Variants in TFAP2B observed in about 807,000 individuals in gnomAD.
TFAP2B encodes the protein transcription factor AP-2 beta.
Under a neutral mutation model 44.3 loss-of-function variants are expected in TFAP2B, and 9 were observed. The observed-to-expected ratio is 0.20, with a 90% CI of 0.12 to 0.35. The LOEUF (loss-of-function observed/expected upper bound fraction) is 0.35, where lower values mean the gene tolerates loss of function less well. Among genes scored for constraint, TFAP2B ranks in the 10% least tolerant of loss-of-function variants. TFAP2B has a pLI of 1.00. For missense variants in TFAP2B, 509 were observed against 600.0 expected, an observed-to-expected ratio of 0.85 and a Z score of 1.59; for synonymous variants, 270 against 263.8, an observed-to-expected ratio of 1.02 and a Z score of -0.23.
intron 1 of TFAP2B, among the ~76,000 whole-genome samples, chr6:50,820,889 G>A (rs1202212372): frequency 6.6e-6 from 1 of 152,020 alleles, no homozygotes; most frequent in African/African-American, 2.4e-5. Context: ...GAGAGGAAGA[G>A]GGAGGGGTGG....
intron 1 of TFAP2B, 83 bp downstream of exon 1, chr6:50,819,055 T>C: frequency 7.5e-7 from 1 of 1,328,466 alleles, no homozygotes; most frequent in Non-Finnish European, 1.1e-6. Flanking sequence ...ATATATATTT[T>C]TAAGCTATTT....
chr6:50,842,253 A>G (rs886366984), intron 6 of TFAP2B, among the ~76,000 whole-genome samples: 5 of 152,188 alleles, frequency 3.3e-5, no homozygotes, highest in African/African-American at 1.2e-4. Context: ...CAGCTCCTAT[A>G]TTAAAATTTC....
chr6:50,831,865 A>G (rs1762503288), intron 3 of TFAP2B, among the ~76,000 whole-genome samples: 1 of 152,182 alleles, frequency 6.6e-6, no homozygotes, highest in South Asian at 2.1e-4. Flanking sequence ...TCCAAGGTTC[A>G]AATGTTGTGA....
At position 50,843,646 on chromosome 6, in the gene TFAP2B, G is replaced by C; in HGVS notation, c.*254G>C. 2.2e-6 allele frequency: 1 copy of C among 463,762 alleles called. No individual in the cohort carries two copies. Among genetic ancestry groups the C allele is most frequent in the South Asian group, 2.9e-5 (1 of 33,910 alleles). The allele number at this position is 463,762 out of a possible 1,614,324, so 28.7% of individuals were successfully genotyped here. On this transcript the variant is annotated 3_prime_UTR_variant, in exon 7 of 7. Coordinates refer to ENST00000393655, the MANE Select transcript of TFAP2B (RefSeq NM_003221.4). ...GACAACCGTCCGGATTTTCCACTTC[G>C]GTTCTTTCGAGTTTAGTAATACTGA...
rs572767732 is a variant in TFAP2B at position 50,845,598 on chromosome 6, C to A, written c.*2206C>A. 5 of 152,908 alleles carry A rather than the reference C, an allele frequency of 3.3e-5. No individual in the cohort carries two copies. The highest frequency in any genetic ancestry group is 3.9e-4 in the East Asian group (2 of 5,174). The allele number at this position is 152,908 out of a possible 1,614,324, so 9.5% of individuals were successfully genotyped here. On this transcript the variant is annotated 3_prime_UTR_variant, in exon 7 of 7. Transcript: ENST00000393655. The stretch of plus-strand genomic sequence containing the variant: ...TCACTCTCTTTTCCCAGCTCAGAGG[C>A]CTGCGCCTTCGTCCGAGAGCTCGGC...
chr6:50,837,284 C>T (rs542196207), intron 4 of TFAP2B, among the ~76,000 whole-genome samples: 55 of 152,262 alleles, frequency 3.6e-4, no homozygotes, highest in Non-Finnish European at 6.0e-4. Context: ...CTTCCTCTGC[C>T]CTCCTTTGAT....
intron 2 of TFAP2B, among the ~76,000 whole-genome samples, chr6:50,824,304 G>A (rs1770443856): frequency 1.3e-5 from 2 of 152,176 alleles, no homozygotes; most frequent in Admixed American, 1.3e-4. Flanking sequence ...CTGCCTAGAG[G>A]CTAGAGCTTC....
chr6:50,843,572 A>G lies in TFAP2B; in HGVS notation c.*180A>G, dbSNP rs1429923782. 5 of 672,410 alleles carry G rather than the reference A, an allele frequency of 7.4e-6. No individual in the cohort carries two copies. In the East Asian group the frequency reaches 1.4e-4, roughly 19 times the overall value. 41.7% of individuals were successfully genotyped at this position (672,410 alleles called of 1,614,324 possible). ...ACTTAAAAAAAAACTGAGGCGTACA[A>G]CGGAGCAACAATATCGGTTCTCAGT... On this transcript the variant is annotated 3_prime_UTR_variant, in exon 7 of 7. Transcript: ENST00000393655.
intron 2 of TFAP2B, 54 bp from the exon 3 acceptor site, chr6:50,828,565 G>A: frequency 1.3e-6 from 2 of 1,495,386 alleles, no homozygotes. Flanking sequence ...TGATTTATGT[G>A]TGCAATTCTT....
chr6:50,821,639 C>G (rs1364630650), intron 1 of TFAP2B: 1 of 155,760 alleles, frequency 6.4e-6, no homozygotes, highest in Non-Finnish European at 1.4e-5. Flanking sequence ...TGCCAGCCCC[C>G]TCGTCTGATT....
In TFAP2B at chr6:50,840,253, C is replaced by A. The variant is rs372070042; in HGVS notation, c.1038C>A (p.Asp346Glu). ...AGTATTTGAACCGGCAGCACACAGA[C>A]CCGAGTGACCTGCACTCCCGAAAGA... ...VSEYLNRQHT[D>E]PSDLHSRKNM... Residue 346 changes from aspartate (D) to glutamate (E), a missense_variant, in exon 6 of 7, where the codon GAC (aspartate) becomes GAA (glutamate). Transcript: ENST00000393655. 17 of 1,613,972 alleles carry A rather than the reference C, an allele frequency of 1.1e-5. No individual in the cohort carries two copies. The highest frequency in any genetic ancestry group is 1.4e-5 in the Non-Finnish European group (17 of 1,180,040).
intron 5 of TFAP2B, among the ~76,000 whole-genome samples, chr6:50,838,468 TAGTA>T (rs1275106457): frequency 9.2e-5 from 14 of 152,190 alleles, no homozygotes; most frequent in African/African-American, 3.4e-4. Context: ...GAATTGTCAG[TAGTA>T]GAAAACACAT....
chr6:50,828,688 A>G lies in TFAP2B; in HGVS notation c.601+9A>G, dbSNP rs1454892703. The stretch of plus-strand genomic sequence containing the variant: ...GTCTGTCATTAAAAAAGGTATGGAT[A>G]ATTCCCCCCAAAAAGTAAGCAAAGT... On this transcript the variant is annotated intron_variant, in intron 3 of 6. Coordinates refer to ENST00000393655, the MANE Select transcript of TFAP2B (RefSeq NM_003221.4). 1 of 1,613,998 alleles carries G rather than the reference A, an allele frequency of 6.2e-7. No homozygotes were observed. The highest frequency in any genetic ancestry group is 2.2e-5 in the East Asian group (1 of 44,848).
chr6:50,830,170 T>G (rs568783346), intron 3 of TFAP2B: 15 of 342,804 alleles, frequency 4.4e-5, no homozygotes, highest in Admixed American at 1.9e-4. Context: ...TCAGTTTGTT[T>G]TAGTTCCTCC....
chr6:50,820,184 C>G (rs1770299684), intron 1 of TFAP2B, among the ~76,000 whole-genome samples: 1 of 152,226 alleles, frequency 6.6e-6, no homozygotes, highest in Non-Finnish European at 1.5e-5. Flanking sequence ...GCCGCTAGGT[C>G]AGACGAAAGG....
chr6:50,847,065 T>C lies in TFAP2B; in HGVS notation c.*3673T>C, dbSNP rs1762864732. On this transcript the variant is annotated 3_prime_UTR_variant, in exon 7 of 7. Transcript: ENST00000393655. Reference sequence around the variant, plus strand: ...TGTTTATAGAGAATTTGTCATCACATCTGATATCCTGTACTTGTAATACAT... The same window carrying C: ...TGTTTATAGAGAATTTGTCATCACACCTGATATCCTGTACTTGTAATACAT... The C allele has an allele frequency of 6.6e-6, 1 of 152,640 alleles. No homozygotes were observed. Among genetic ancestry groups the C allele is most frequent in the African/African-American group, 2.4e-5 (1 of 41,438 alleles). 9.5% of individuals were successfully genotyped at this position (152,640 alleles called of 1,614,324 possible).
intron 3 of TFAP2B, among the ~76,000 whole-genome samples, chr6:50,831,355 T>C (rs1364180239): frequency 6.6e-6 from 1 of 152,210 alleles, no homozygotes; most frequent in Non-Finnish European, 1.5e-5. Context: ...ATTGGCCCCC[T>C]TTGAGCTATT....
At position 50,843,779 on chromosome 6, in the gene TFAP2B, A is replaced by T. The variant is rs1430461897; in HGVS notation, c.*387A>T. On this transcript the variant is annotated 3_prime_UTR_variant, in exon 7 of 7. Coordinates refer to ENST00000393655, the MANE Select transcript of TFAP2B (RefSeq NM_003221.4). ...AGAAAATCGGAGAAACGTTGGTGTC[A>T]ATGCTTTGAGAGCTGGTTGACTGAG... is the stretch of plus-strand genomic sequence containing the variant. 1 of 182,892 alleles carries T rather than the reference A, an allele frequency of 5.5e-6. No homozygotes were observed. The allele number at this position is 182,892 out of a possible 1,614,324, so 11.3% of individuals were successfully genotyped here.
chr6:50,821,414 T>C (rs1327292424), intron 1 of TFAP2B, among the ~76,000 whole-genome samples: 1 of 152,208 alleles, frequency 6.6e-6, no homozygotes, highest in Non-Finnish European at 1.5e-5. Context: ...ATTTTGTTTT[T>C]GTAATCCTCA....
Sources: gnomAD v4.1 joint callset for allele counts (sites outside exome capture counted in the v4.1 genomes callset) on GRCh38, gnomAD v4.1.1 for gene constraint, MANE v1.5 for transcripts, NCBI Gene and HGNC (gene_info 2026-07-23, HGNC 2026-07-21) for gene names.